Variants in CCDC88C observed in about 807,000 individuals in gnomAD.
CCDC88C encodes the protein protein Daple.
In CCDC88C, 131 loss-of-function variants were observed where a neutral mutation model predicts 198.8. That is an observed-to-expected ratio of 0.66 (90% CI 0.57 to 0.76). The LOEUF is 0.76. Ranked by LOEUF, CCDC88C falls within the 30% of genes least tolerant of loss-of-function variation. The pLI is 0.00. For synonymous variants in CCDC88C, 1,166 were observed against 1,114.7 expected (o/e 1.05, Z -0.92); for missense variants, 2,553 against 2,631.6 (o/e 0.97, Z 0.65).
intron 13 of CCDC88C, among the ~76,000 whole-genome samples, chr14:91,317,181 C>A (rs902031321): frequency 3.9e-5 from 6 of 152,218 alleles, no homozygotes; most frequent in African/African-American, 1.4e-4. Context: ...AGGGAGGGGG[C>A]TTCTCTAGGA....
rs768077332 is a variant in CCDC88C at position 91,284,593 on chromosome 14, C to T, written c.4442-1076G>A. ...GAGAAAGCACAATTCCAACAGCATG[C>T]GCGGAAGGCAGGTCTGGAGGACCCG... On this transcript the variant is annotated intron_variant, in intron 25 of 29. Coordinates refer to ENST00000389857, the MANE Select transcript of CCDC88C (RefSeq NM_001080414.4). The surrounding 1 kb of genome is among the most constrained non-coding windows in gnomAD (Gnocchi z 4.1). Among the ~76,000 whole-genome samples the T allele has an allele frequency of 7.9e-5, 12 of 152,154 alleles. No individual in the cohort carries two copies. The highest frequency in any genetic ancestry group is 2.7e-4 in the African/African-American group (11 of 41,444).
rs564973086 is a variant in CCDC88C at position 91,376,350 on chromosome 14, T to C, written c.271-16639A>G. ...ATGACTGCCTCGATTTTATATCCAC[T>C]CATGTGTTCATTCACTCACCCAACA... On this transcript the variant is annotated intron_variant, in intron 3 of 29. Coordinates refer to ENST00000389857, the MANE Select transcript of CCDC88C (RefSeq NM_001080414.4). 2.4e-4 allele frequency among the ~76,000 whole-genome samples: 36 copies of C among 152,306 alleles called. No individual in the cohort carries two copies. The East Asian group carries it at 6.0e-3, about 25-fold the overall frequency.
At chr14:91,294,111 G>A in intron 23 of CCDC88C, 62 bp downstream of exon 23, 1 of 1,595,136 alleles carries the variant, frequency 6.3e-7, no homozygotes, top group Non-Finnish European at 8.6e-7. Context: ...AGGACCTCCA[G>A]AGACTGAGGA....
intron 13 of CCDC88C, among the ~76,000 whole-genome samples, chr14:91,318,093 A>G (rs553429804): frequency 6.6e-6 from 1 of 151,218 alleles, no homozygotes; most frequent in South Asian, 2.1e-4. Flanking sequence ...TTATGAAGAC[A>G]TTTCCCGTGC....
At chr14:91,292,538 C>T (rs1292964583) in intron 23 of CCDC88C, among the ~76,000 whole-genome samples, 1 of 152,170 alleles carries the variant, frequency 6.6e-6, no homozygotes, top group Non-Finnish European at 1.5e-5. Flanking sequence ...GCACGCCAGC[C>T]CTAGACACGT....
intron 13 of CCDC88C, among the ~76,000 whole-genome samples, chr14:91,318,673 G>A (rs1412726885): frequency 6.6e-6 from 1 of 152,074 alleles, no homozygotes; most frequent in South Asian, 2.1e-4. Context: ...GGGTGCAGTG[G>A]CTCACATTGG....
intron 3 of CCDC88C, among the ~76,000 whole-genome samples, chr14:91,376,004 C>T (rs898386529): frequency 2.0e-5 from 3 of 152,278 alleles, no homozygotes; most frequent in Middle Eastern, 3.4e-3. Context: ...TCCAGCCCCG[C>T]GAGTTCACAG....
chr14:91,343,193 C>T (rs188809655), intron 5 of CCDC88C, among the ~76,000 whole-genome samples: 1 of 152,288 alleles, frequency 6.6e-6, no homozygotes, highest in East Asian at 1.9e-4. Context: ...CGACCTCAAG[C>T]GATCCTCCCC....
chr14:91,275,947 G>C (rs550623267), intron 29 of CCDC88C, among the ~76,000 whole-genome samples: 16 of 145,508 alleles, frequency 1.1e-4, no homozygotes, highest in Admixed American at 2.1e-4. Context: ...TCAGCCTCCC[G>C]TGTAGCTGGG....
chr14:91,378,880 C>G (rs1463218605), intron 3 of CCDC88C: 1 of 152,144 alleles, frequency 6.6e-6, no homozygotes, highest in East Asian at 1.9e-4. Context: ...GTGTATTCAT[C>G]CCTTCTCCCA....
In CCDC88C at chr14:91,284,603, A is replaced by T. The variant is rs1890328204; in HGVS notation, c.4442-1086T>A. 6.6e-6 allele frequency among the ~76,000 whole-genome samples: 1 copy of T among 152,246 alleles called. No homozygotes were observed. Among genetic ancestry groups the T allele is most frequent in the Non-Finnish European group, 1.5e-5 (1 of 68,052 alleles). On this transcript the variant is annotated intron_variant, in intron 25 of 29. Coordinates refer to ENST00000389857, the MANE Select transcript of CCDC88C (RefSeq NM_001080414.4). This position sits in a 1 kb window ranked among gnomAD's most constrained non-coding sequence, Gnocchi z 4.1. ...AATTCCAACAGCATGCGCGGAAGGC[A>T]GGTCTGGAGGACCCGGCACCACGGC...
rs937597989 is a variant in CCDC88C, at chr14:91,351,576, G to T, written c.341-7919C>A. ...GAAGGAGGCAGGCACCTCTACGCACGGGCTCACATTCTGGGGAGCGGCCCC... is the reference window on the plus strand; with the variant it reads ...GAAGGAGGCAGGCACCTCTACGCACTGGCTCACATTCTGGGGAGCGGCCCC... On this transcript the variant is annotated intron_variant, in intron 4 of 29. Coordinates refer to ENST00000389857, the MANE Select transcript of CCDC88C (RefSeq NM_001080414.4). Among the ~76,000 whole-genome samples the T allele has an allele frequency of 1.2e-4, 18 of 152,286 alleles. No homozygotes were observed. In the Middle Eastern group the frequency reaches 0.01, roughly 86 times the overall value.
chr14:91,285,803 C>T (rs1223413497), intron 25 of CCDC88C: 1 of 1,288,722 alleles, frequency 7.8e-7, no homozygotes, highest in Non-Finnish European at 1.0e-6. Context: ...CTTGTTTTTG[C>T]TTTTCAAAAA....
At chr14:91,327,815 C>A (rs923991047) in intron 10 of CCDC88C, among the ~76,000 whole-genome samples, 1 of 152,198 alleles carries the variant, frequency 6.6e-6, no homozygotes, top group East Asian at 1.9e-4. Flanking sequence ...AGCATCACTA[C>A]CCTCAGGCCC....
chr14:91,313,821 C>A lies in CCDC88C; in HGVS notation c.1995G>T (p.Glu665Asp). 1.2e-6 allele frequency: 2 copies of A among 1,604,326 alleles called. No individual in the cohort carries two copies. The highest frequency in any genetic ancestry group is 1.7e-6 in the Non-Finnish European group (2 of 1,177,518). The change falls in exon 15 of 30, where the codon GAG becomes GAT. Residue 665 changes from glutamate (E) to aspartate (D), a missense_variant. Physicochemically the swap from Glu to Asp is conservative, Grantham distance 45. Transcript: ENST00000389857. This position sits in a 1 kb window ranked among gnomAD's most constrained non-coding sequence, Gnocchi z 5.2. ...CCAGCTGCAGGCCCTGGCTCTCATGCTCCAGGGCCTCGACTTTCTCGGTGG... is the reference window on the plus strand; with the variant it reads ...CCAGCTGCAGGCCCTGGCTCTCATGATCCAGGGCCTCGACTTTCTCGGTGG... Reference protein sequence around the residue: ...ETATEKVEALEHESQGLQLEN... With the variant: ...ETATEKVEALDHESQGLQLEN...
rs950112450 is a variant in CCDC88C, at chr14:91,359,160, C to CTT, written c.340+480_340+481dup. Among the ~76,000 whole-genome samples the CTT allele has an allele frequency of 1.4e-3, 156 of 108,634 alleles. 2 individuals carry two copies. The highest frequency in any genetic ancestry group is 2.7e-3 in the African/African-American group (76 of 28,278). The allele number at this position is 108,634 out of a possible 152,430, so 71.3% of individuals were successfully genotyped here. A position where few individuals can be genotyped will look rare whatever the true frequency, so the allele number is the denominator to read the frequency against. The stretch of plus-strand genomic sequence containing the variant: ...ATCTGAGCGGTTGGGAGGCTTCATT[C>CTT]TTTTTTTTTTTTTTTTTTTTTTGAG... On this transcript the variant is annotated intron_variant, in intron 4 of 29. Transcript: ENST00000389857.
At position 91,304,933 on chromosome 14, in the gene CCDC88C, C is replaced by G. The variant is rs142819676; in HGVS notation, c.3357+832G>C. Among the ~76,000 whole-genome samples the G allele has an allele frequency of 3.5e-4, 53 of 152,280 alleles. No homozygotes were observed. The East Asian group carries it at 8.9e-3, about 26-fold the overall frequency. Reference sequence around the variant, plus strand: ...CCTTGCCCCATAAGATACATATTTTCAAACTTTTCTCAGAAATTGCAATAA... The same window carrying G: ...CCTTGCCCCATAAGATACATATTTTGAAACTTTTCTCAGAAATTGCAATAA... On this transcript the variant is annotated intron_variant, in intron 19 of 29. Transcript: ENST00000389857.
In CCDC88C at chr14:91,408,742, T is replaced by C. The variant is rs751566843; in HGVS notation, c.187A>G (p.Ile63Val). ...ACATCATTGTTGACGTGCTTATTGA[T>C]GCGTTGATTTGTGGGCCTGGGATCT... ...QIDPRPTNQR[I>V]NKHVNNDVNL... The change falls in exon 3 of 30, where the codon ATC becomes GTC. Residue 63 changes from isoleucine to valine, a missense_variant. By Grantham distance (29) the Ile-to-Val change is conservative. Transcript: ENST00000389857. 1.2e-6 allele frequency: 2 copies of C among 1,613,820 alleles called. No homozygotes were observed. Among genetic ancestry groups the C allele is most frequent in the East Asian group, 2.2e-5 (1 of 44,892 alleles).
At chr14:91,282,000 CA>C (rs1209120596) in intron 26 of CCDC88C, among the ~76,000 whole-genome samples, 1 of 152,222 alleles carries the variant, frequency 6.6e-6, no homozygotes, top group African/African-American at 2.4e-5. Context: ...CTTGCACTAA[CA>C]GCTCCTGACC....
Sources: allele counts gnomAD v4.1 joint callset (sites outside exome capture counted in the v4.1 genomes callset), GRCh38; gene constraint gnomAD v4.1.1; non-coding constraint Gnocchi (gnomAD v3.1); transcripts MANE v1.5; gene names NCBI Gene and HGNC (gene_info 2026-07-23, HGNC 2026-07-21).